Variants in CCDC63 observed in about 807,000 individuals in gnomAD.
CCDC63 encodes coiled-coil domain-containing protein 63.
In CCDC63, 54 loss-of-function variants were observed where a neutral mutation model predicts 63.6. The ratio of observed to expected loss-of-function variants is 0.85; its 90% CI spans 0.68 to 1.07. The LOEUF is 1.07. Ranked by LOEUF, CCDC63 falls within the 50% of genes least tolerant of loss-of-function variation. CCDC63 has a pLI of 0.00. For synonymous variants in CCDC63, 253 were observed against 266.1 expected (o/e 0.95, Z 0.48); for missense variants, 637 against 689.6 (o/e 0.92, Z 0.86).
rs1257227123 is a variant in CCDC63 at position 110,859,434 on chromosome 12, G to A, written c.369+659G>A. 2.0e-5 allele frequency among the ~76,000 whole-genome samples: 3 copies of A among 152,042 alleles called. No individual in the cohort carries two copies. In the East Asian group the frequency reaches 5.8e-4, roughly 29 times the overall value. ...TGATTCTCATGCCTCAGCCACCTGAGTAGCTGGGATTACAGGCGTGCACCA... is the reference window on the plus strand; with the variant it reads ...TGATTCTCATGCCTCAGCCACCTGAATAGCTGGGATTACAGGCGTGCACCA... On this transcript the variant is annotated intron_variant, in intron 4 of 11. Transcript: ENST00000308208.
intron 1 of CCDC63, among the ~76,000 whole-genome samples, chr12:110,851,614 C>T (rs2070706579): frequency 6.6e-6 from 1 of 152,070 alleles, no homozygotes; most frequent in Admixed American, 6.6e-5. Flanking sequence ...ATGGTCAGCC[C>T]CCAGGAGTGC....
chr12:110,893,341 C>G (rs1218602672), intron 9 of CCDC63, among the ~76,000 whole-genome samples, 191 bp downstream of exon 9: 1 of 152,208 alleles, frequency 6.6e-6, no homozygotes, highest in Admixed American at 6.5e-5. Flanking sequence ...CCCGGGCAGC[C>G]TCTGCTACAA....
intron 4 of CCDC63, among the ~76,000 whole-genome samples, chr12:110,860,110 T>C (rs1436622455): frequency 6.6e-6 from 1 of 152,018 alleles, no homozygotes; most frequent in African/African-American, 2.4e-5. Context: ...TGAGCATGAG[T>C]AGGGACATTG....
At chr12:110,845,722 C>A (rs373996989), upstream of CCDC63, 6 of 151,770 alleles carry the variant, frequency 4.0e-5, no homozygotes, top group Non-Finnish European at 7.4e-5. Context: ...TACTCCCTTG[C>A]GTACCATATT....
intron 9 of CCDC63, 148 bp downstream of exon 9, chr12:110,893,298 T>G (rs1446285166): frequency 1.5e-6 from 1 of 650,690 alleles, no homozygotes; most frequent in Non-Finnish European, 2.7e-6. Flanking sequence ...CAGGCTGGCC[T>G]GGATCACATC....
chr12:110,846,944 C>G (rs940422219), upstream of CCDC63: 1 of 152,282 alleles, frequency 6.6e-6, no homozygotes, highest in Admixed American at 6.5e-5. Flanking sequence ...ACAAAGGCGC[C>G]CGTTCCAGGG....
intron 1 of CCDC63, among the ~76,000 whole-genome samples, chr12:110,851,295 G>A (rs1368517262): frequency 6.6e-6 from 1 of 152,164 alleles, no homozygotes; most frequent in Non-Finnish European, 1.5e-5. Flanking sequence ...GATTCAGTCT[G>A]TCTTCATTTT....
intron 9 of CCDC63, among the ~76,000 whole-genome samples, chr12:110,895,734 A>G (rs906155383): frequency 1.2e-4 from 19 of 152,240 alleles, no homozygotes; most frequent in African/African-American, 4.6e-4. Context: ...TGAAGGTTGA[A>G]TAAAATCACA....
At chr12:110,849,268 A>G (rs1222549512) in intron 1 of CCDC63, among the ~76,000 whole-genome samples, 2 of 152,316 alleles carry the variant, frequency 1.3e-5, no homozygotes, top group South Asian at 4.1e-4. Context: ...GACTCTTGCT[A>G]TTTCACCTAA....
chr12:110,864,406 A>G (rs903953844), intron 4 of CCDC63, among the ~76,000 whole-genome samples: 2 of 150,626 alleles, frequency 1.3e-5, no homozygotes, highest in Admixed American at 6.6e-5. Flanking sequence ...CCTGGGCAAC[A>G]TAGCGAGACC....
intron 1 of CCDC63, among the ~76,000 whole-genome samples, chr12:110,851,705 T>G (rs1459226803): frequency 2.0e-5 from 3 of 152,110 alleles, no homozygotes; most frequent in Non-Finnish European, 2.9e-5. Context: ...CTCATCAACA[T>G]TCACCACCCT....
chr12:110,898,933 G>A lies in CCDC63; in HGVS notation c.1150G>A (p.Asp384Asn). ...DNHSVLRQLE[D>N]KLRKTTEEAD... is the part of the protein sequence containing the mutation. ...GGTGGGAATTGGGGTCTGCCACCAG[G>A]ATAAACTGAGGAAGACCACGGAGGA... The change falls in exon 10 of 12, where the codon GAT becomes AAT. Residue 384 changes from aspartate (D) to asparagine (N), a missense_variant and splice_region_variant. Physicochemically the swap from Asp to Asn is conservative, Grantham distance 23 (BLOSUM62 1). Transcript: ENST00000308208. 1 of 1,597,346 alleles carries A rather than the reference G, an allele frequency of 6.3e-7. No individual in the cohort carries two copies.
chr12:110,895,699 TAATC>T (rs1324941037), intron 9 of CCDC63, among the ~76,000 whole-genome samples: 2 of 152,200 alleles, frequency 1.3e-5, no homozygotes, highest in African/African-American at 4.8e-5. Flanking sequence ...ATGGGGATAA[TAATC>T]ATACCTACTT....
In CCDC63 at chr12:110,880,073, G is replaced by A. The variant is rs1593673206; in HGVS notation, c.657G>A (p.Gln219=). Residue 219 remains glutamine, a synonymous_variant, in exon 6 of 12, where the codon CAG becomes CAA. Transcript: ENST00000308208. ...ACTTGGCCATTGAGCAATCTTCTCA[G>A]GCCTATGAGCAGAGGTGGGCTGGGG... ...TMNLAIEQSS[Q]AYEQRVEAMA... The A allele has an allele frequency of 2.5e-6, 4 of 1,614,048 alleles. No homozygotes were observed. In the East Asian group the frequency reaches 6.7e-5, roughly 27 times the overall value.
Position 110,907,467 on chromosome 12 carries a change from A to G in CCDC63, c.1683A>G (p.Val561=). Residue 561 remains valine (V), a synonymous_variant, in exon 12 of 12, where the codon GTA becomes GTG. Transcript: ENST00000308208. The surrounding 1 kb of genome is among the most constrained non-coding windows in gnomAD (Gnocchi z 4.4). ...ATGACTTCAGATCCAGGAAGAAAGT[A>G]ACCATGTGAGGTGCATGCATGGGGC... ...KVDDFRSRKK[V]TM is the part of the protein sequence containing the mutation. The G allele has an allele frequency of 6.2e-7, 1 of 1,614,190 alleles. No individual in the cohort carries two copies. Among genetic ancestry groups the G allele is most frequent in the Non-Finnish European group, 8.5e-7 (1 of 1,180,024 alleles).
chr12:110,862,223 G>A (rs536297450), intron 4 of CCDC63, among the ~76,000 whole-genome samples: 71 of 152,296 alleles, frequency 4.7e-4, no homozygotes, highest in African/African-American at 1.6e-3. Flanking sequence ...CACAGCGTGG[G>A]GTCCTCAGAA....
chr12:110,899,212 A>G, intron 10 of CCDC63, 87 bp downstream of exon 10: 1 of 1,256,016 alleles, frequency 8.0e-7, no homozygotes, highest in Non-Finnish European at 1.1e-6. Context: ...CTTATGGAGT[A>G]GTGAGCTTTG....
At chr12:110,894,144 G>A (rs908043147) in intron 9 of CCDC63, among the ~76,000 whole-genome samples, 1 of 152,042 alleles carries the variant, frequency 6.6e-6, no homozygotes, top group Non-Finnish European at 1.5e-5. Flanking sequence ...TGGTTGCATC[G>A]TAGCTGCCAT....
At chr12:110,867,882 C>T (rs2070994458) in intron 4 of CCDC63, among the ~76,000 whole-genome samples, 1 of 151,438 alleles carries the variant, frequency 6.6e-6, no homozygotes, top group African/African-American at 2.4e-5. Context: ...GGAGACGCTC[C>T]TCACTTCCCA....
Sources: allele counts gnomAD v4.1 joint callset (sites outside exome capture counted in the v4.1 genomes callset), GRCh38; gene constraint gnomAD v4.1.1; non-coding constraint Gnocchi (gnomAD v3.1); transcripts MANE v1.5; gene names NCBI Gene and HGNC (gene_info 2026-07-23, HGNC 2026-07-21).